The following DDX10 variants were observed in gnomAD, a reference collection of about 807,000 sequenced individuals.
The protein encoded by DDX10 is probable ATP-dependent RNA helicase DDX10.
A neutral mutation model predicts 104.3 loss-of-function variants in DDX10; 74 were observed. That is an observed-to-expected ratio of 0.71 (90% CI 0.59 to 0.86). DDX10 has a LOEUF of 0.86. DDX10 is among the 40% of genes least tolerant of loss of function. The pLI is 0.00. For synonymous variants in DDX10, 351 were observed against 353.4 expected (o/e 0.99, Z 0.08); for missense variants, 952 against 1,040.0 (o/e 0.92, Z 1.16).
intron 17 of DDX10, 144 bp downstream of exon 17, chr11:108,918,162 CCTG>C: frequency 1.3e-6 from 1 of 793,562 alleles, no homozygotes; most frequent in South Asian, 1.8e-5. Context: ...TCCTGGAAAT[CCTG>C]CTGCTGTTTT....
chr11:108,689,953 C>T (rs916080704), intron 7 of DDX10, among the ~76,000 whole-genome samples: 4 of 151,986 alleles, frequency 2.6e-5, no homozygotes, highest in South Asian at 2.1e-4. Flanking sequence ...CGGTGGCTCA[C>T]GCCTGTAATC....
intron 16 of DDX10, among the ~76,000 whole-genome samples, chr11:108,864,768 A>G (rs1378812157): frequency 6.6e-6 from 1 of 152,040 alleles, no homozygotes; most frequent in Non-Finnish European, 1.5e-5. Context: ...CAACTTTTAT[A>G]CTTCTTACAA....
chr11:108,935,589 T>C (rs1047479151), intron 17 of DDX10, among the ~76,000 whole-genome samples: 1 of 151,448 alleles, frequency 6.6e-6, no homozygotes, highest in Non-Finnish European at 1.5e-5. Flanking sequence ...TTCTTAATTT[T>C]TTTTTATTTG....
At chr11:108,671,137 C>G (rs1233666488) in intron 1 of DDX10, among the ~76,000 whole-genome samples, 3 of 152,076 alleles carry the variant, frequency 2.0e-5, no homozygotes, top group African/African-American at 7.2e-5. Context: ...GTGATTTTTC[C>G]CCCCTAAGAA....
At chr11:108,874,667 A>T (rs1261304338) in intron 16 of DDX10, among the ~76,000 whole-genome samples, 2 of 151,894 alleles carry the variant, frequency 1.3e-5, no homozygotes, top group East Asian at 3.9e-4. Flanking sequence ...TTGCTTTTAG[A>T]GTGGGTGCTC....
At chr11:108,695,125 T>C (rs2094257934) in intron 9 of DDX10, among the ~76,000 whole-genome samples, 1 of 152,142 alleles carries the variant, frequency 6.6e-6, no homozygotes, top group Non-Finnish European at 1.5e-5. Flanking sequence ...GTCTTAGTAA[T>C]TCCACATCCA....
intron 16 of DDX10, among the ~76,000 whole-genome samples, chr11:108,890,356 A>T (rs1863358986): frequency 6.6e-6 from 1 of 152,156 alleles, no homozygotes; most frequent in African/African-American, 2.4e-5. Flanking sequence ...TCTGCTCTCT[A>T]GTTACTTCTT....
rs532857063 is a variant in DDX10, at chr11:108,726,708, C to T, written c.1965+3246C>T. Among the ~76,000 whole-genome samples the T allele has an allele frequency of 5.3e-5, 8 of 151,780 alleles. No individual in the cohort carries two copies. The East Asian group carries it at 9.6e-4, about 18-fold the overall frequency. On this transcript the variant is annotated intron_variant, in intron 13 of 17. Transcript: ENST00000322536. ...TTCTTTTTCTTTTGCTTGATTTTAC[C>T]GAGTAGGATCTGTGGAATAGAAGTG...
chr11:108,812,413 A>G (rs556691231), intron 13 of DDX10, among the ~76,000 whole-genome samples: 12 of 152,232 alleles, frequency 7.9e-5, no homozygotes, highest in South Asian at 4.1e-4. Flanking sequence ...TAATGGTATT[A>G]TATCTCTCAA....
Position 108,692,122 on chromosome 11 carries a change from A to G in DDX10, c.1138+84A>G, listed in dbSNP as rs978423234. ...AAGTATATTTTGGGAAATCTGATAG[A>G]CTCAAACACTTGGGTTTCTTTTCTT... On this transcript the variant is annotated intron_variant, in intron 8 of 17. Coordinates refer to ENST00000322536, the MANE Select transcript of DDX10 (RefSeq NM_004398.4). 1.8e-5 allele frequency: 23 copies of G among 1,243,862 alleles called. No homozygotes were observed. In the East Asian group the frequency reaches 5.7e-4, roughly 31 times the overall value. 77.1% of individuals were successfully genotyped at this position (1,243,862 alleles called of 1,614,324 possible). A position where few individuals can be genotyped will look rare whatever the true frequency, so the allele number is the denominator to read the frequency against.
intron 13 of DDX10, among the ~76,000 whole-genome samples, chr11:108,776,270 T>C (rs768525870): frequency 7.9e-5 from 12 of 152,224 alleles, no homozygotes; most frequent in Non-Finnish European, 1.6e-4. Flanking sequence ...CTGTTATTTC[T>C]ATCTGAGCTC....
At chr11:108,852,320 C>A in intron 16 of DDX10, 111 bp downstream of exon 16, 2 of 720,098 alleles carry the variant, frequency 2.8e-6, no homozygotes, top group South Asian at 2.5e-5. Context: ...GAATTTAAAT[C>A]CTCTTCTTTT....
chr11:108,709,404 GC>G (rs1591797486), intron 10 of DDX10, among the ~76,000 whole-genome samples: 3 of 152,222 alleles, frequency 2.0e-5, no homozygotes, highest in African/African-American at 7.2e-5. Context: ...TTATGGGCGA[GC>G]CCATCCGGGC....
At chr11:108,801,965 A>T (rs1019391891) in intron 13 of DDX10, among the ~76,000 whole-genome samples, 34 of 151,304 alleles carry the variant, frequency 2.2e-4, no homozygotes, top group Non-Finnish European at 3.2e-4. Flanking sequence ...AATTTTTTTT[A>T]AAAAAGTGGG....
chr11:108,795,339 G>GGTACATGTGCACAACATGCACATATGT (rs1565280709), intron 13 of DDX10, among the ~76,000 whole-genome samples: 1 of 148,744 alleles, frequency 6.7e-6, no homozygotes, highest in Admixed American at 6.7e-5. Context: ...TAAGTTCTAG[G>GGTACATGTGCACAACATGCACATATGT]GTACATGTGC....
At chr11:108,847,009 C>A (rs1862728650) in intron 15 of DDX10, among the ~76,000 whole-genome samples, 2 of 152,194 alleles carry the variant, frequency 1.3e-5, no homozygotes, top group Non-Finnish European at 2.9e-5. Context: ...AGCCTTTAAG[C>A]ACCGCTTTCT....
intron 16 of DDX10, among the ~76,000 whole-genome samples, chr11:108,872,156 C>T (rs1027132565): frequency 2.0e-5 from 3 of 152,194 alleles, no homozygotes; most frequent in Non-Finnish European, 4.4e-5. Context: ...CTCATCTTCT[C>T]AGTTGTTTCT....
intron 13 of DDX10, among the ~76,000 whole-genome samples, chr11:108,780,804 C>T (rs768385569): frequency 1.3e-5 from 2 of 152,076 alleles, no homozygotes; most frequent in Non-Finnish European, 2.9e-5. Flanking sequence ...TTACATAAGC[C>T]TATTAAATGA....
chr11:108,916,471 A>G (rs184048093), intron 16 of DDX10, among the ~76,000 whole-genome samples: 9 of 152,110 alleles, frequency 5.9e-5, no homozygotes, highest in African/African-American at 2.2e-4. Flanking sequence ...ACTAATTCTT[A>G]TGTTTAGAGG....
Sources: gnomAD v4.1 joint callset for allele counts (sites outside exome capture counted in the v4.1 genomes callset) on GRCh38, gnomAD v4.1.1 for gene constraint, MANE v1.5 for transcripts, NCBI Gene and HGNC (gene_info 2026-07-23, HGNC 2026-07-21) for gene names.